Variants in PRMT8 observed in about 807,000 individuals in gnomAD.
The protein encoded by PRMT8 is protein arginine N-methyltransferase 8.
A neutral mutation model predicts 47.1 loss-of-function variants in PRMT8; 7 were observed. That is an observed-to-expected ratio of 0.15 (90% CI 0.08 to 0.28). The LOEUF (loss-of-function observed/expected upper bound fraction) is 0.28, where lower values mean the gene tolerates loss of function less well. Among genes scored for constraint, PRMT8 ranks in the 10% least tolerant of loss-of-function variants. PRMT8 has a pLI of 1.00. For synonymous variants in PRMT8, 188 were observed against 186.5 expected (o/e 1.01, Z -0.07); for missense variants, 237 against 505.4 (o/e 0.47, Z 5.09).
intron 1 of PRMT8, among the ~76,000 whole-genome samples, chr12:3,461,276 G>A (rs557312983): frequency 6.0e-4 from 91 of 152,186 alleles, no homozygotes; most frequent in African/African-American, 2.1e-3. Flanking sequence ...TTCCCACTTC[G>A]CAGCTATTCC....
At chr12:3,546,937 G>A (rs1210876529) in intron 2 of PRMT8, among the ~76,000 whole-genome samples, 1 of 151,954 alleles carries the variant, frequency 6.6e-6, no homozygotes, top group Non-Finnish European at 1.5e-5. Flanking sequence ...ATTTTAAAAG[G>A]GTAATACATC....
Position 3,491,454 on chromosome 12 carries a change from T to C in PRMT8, c.-172T>C. 7.1e-7 allele frequency: 1 copy of C among 1,400,714 alleles called. No homozygotes were observed. The highest frequency in any genetic ancestry group is 9.3e-7 in the Non-Finnish European group (1 of 1,078,942). 86.8% of individuals were successfully genotyped at this position (1,400,714 alleles called of 1,614,324 possible). On this transcript the variant is annotated 5_prime_UTR_variant, in exon 1 of 10. Coordinates refer to ENST00000382622, the MANE Select transcript of PRMT8 (RefSeq NM_019854.5). ...GAGAAGGGAGGAAAATAAAAGAAAGTGGAGACTGCAGAACAGACTCCGCTG... is the reference window on the plus strand; with the variant it reads ...GAGAAGGGAGGAAAATAAAAGAAAGCGGAGACTGCAGAACAGACTCCGCTG...
intron 3 of PRMT8, 98 bp from the exon 4 acceptor site, chr12:3,553,553 C>T (rs1866466358): frequency 4.7e-6 from 5 of 1,054,510 alleles, no homozygotes; most frequent in Middle Eastern, 2.0e-4. Context: ...CAAGTCACCA[C>T]CCCTGTCTGG....
At chr12:3,389,774 A>G (rs967192224) in intron 1 of PRMT8, among the ~76,000 whole-genome samples, 2 of 152,258 alleles carry the variant, frequency 1.3e-5, no homozygotes, top group Non-Finnish European at 2.9e-5. Flanking sequence ...TCCATTACTC[A>G]GAACACTCCT....
chr12:3,455,510 C>A (rs1864964833), intron 1 of PRMT8, among the ~76,000 whole-genome samples: 1 of 152,108 alleles, frequency 6.6e-6, no homozygotes. Flanking sequence ...TTTCCCCTTG[C>A]CACCCTGAAC....
chr12:3,475,256 G>A (rs1865199856), intron 1 of PRMT8, among the ~76,000 whole-genome samples: 1 of 152,148 alleles, frequency 6.6e-6, no homozygotes, highest in African/African-American at 2.4e-5. Context: ...GGACATTGTG[G>A]GCAGGAGGCA....
intron 1 of PRMT8, among the ~76,000 whole-genome samples, chr12:3,400,635 G>A (rs868644560): frequency 4.6e-5 from 7 of 152,238 alleles, no homozygotes; most frequent in South Asian, 2.1e-4. Flanking sequence ...TTGAAAAGGA[G>A]GGACTCCTCG....
At chr12:3,577,073 A>G in intron 7 of PRMT8, 87 bp downstream of exon 7, 1 of 1,124,602 alleles carries the variant, frequency 8.9e-7, no homozygotes. Context: ...GCTCCTGCAC[A>G]GCCCCCACCT....
intron 1 of PRMT8, among the ~76,000 whole-genome samples, chr12:3,466,505 C>A (rs1865098598): frequency 1.3e-5 from 2 of 152,076 alleles, no homozygotes; most frequent in African/African-American, 4.8e-5. Context: ...AATAATGAGT[C>A]AATGTTCTCT....
intron 1 of PRMT8, among the ~76,000 whole-genome samples, chr12:3,420,152 G>A (rs16930475): frequency 6.6e-6 from 1 of 152,042 alleles, no homozygotes; most frequent in African/African-American, 2.4e-5. Flanking sequence ...GCATTGGCAC[G>A]AGCCTCAGAG....
chr12:3,449,717 G>C (rs1304942226), intron 1 of PRMT8, among the ~76,000 whole-genome samples: 2 of 152,102 alleles, frequency 1.3e-5, no homozygotes, highest in African/African-American at 4.8e-5. Flanking sequence ...CTTTTGCTGT[G>C]CAGAAGCTCT....
chr12:3,431,863 G>A (rs1274657343), intron 1 of PRMT8, among the ~76,000 whole-genome samples: 1 of 152,196 alleles, frequency 6.6e-6, no homozygotes, highest in Non-Finnish European at 1.5e-5. Context: ...CAGGGAGCTG[G>A]CTGAGGCTTG....
At chr12:3,382,169 T>C (rs1317393496) in intron 1 of PRMT8, among the ~76,000 whole-genome samples, 2 of 152,198 alleles carry the variant, frequency 1.3e-5, no homozygotes, top group Non-Finnish European at 2.9e-5. Flanking sequence ...TTTTTGACTT[T>C]TAGGAATAAA....
rs553605050 is a variant in PRMT8, at chr12:3,558,201, C to T, written c.481+4487C>T. Among the ~76,000 whole-genome samples, 5 of 152,172 alleles carry T rather than the reference C, an allele frequency of 3.3e-5. No individual in the cohort carries two copies. The South Asian group carries it at 8.3e-4, about 25-fold the overall frequency. On this transcript the variant is annotated intron_variant, in intron 4 of 9. Coordinates refer to ENST00000382622, the MANE Select transcript of PRMT8 (RefSeq NM_019854.5). Reference sequence around the variant, plus strand: ...GGAACCACACAGCCCCCTCATCATCCTGCTCTGTCTCACACCATAGGGCTC... The same window carrying T: ...GGAACCACACAGCCCCCTCATCATCTTGCTCTGTCTCACACCATAGGGCTC...
chr12:3,568,775 G>A lies in PRMT8; in HGVS notation c.551G>A (p.Ser184Asn). The A allele has an allele frequency of 6.2e-7, 1 of 1,614,188 alleles. No homozygotes were observed. Reference protein sequence around the residue: ...LPVEKVDIIISEWMGYCLFYE... With the variant: ...LPVEKVDIIINEWMGYCLFYE... Reference sequence around the variant, plus strand: ...GTGGAGAAGGTGGACATCATCATCAGCGAGTGGATGGGCTACTGTCTGTTC... The same window carrying A: ...GTGGAGAAGGTGGACATCATCATCAACGAGTGGATGGGCTACTGTCTGTTC... Residue 184 changes from serine (S) to asparagine (N), a missense_variant, in exon 5 of 10, where the codon AGC becomes AAC. Around this residue, in one of 5 missense-constraint regions of PRMT8, gnomAD observed 151 missense variants for 341.1 expected, o/e 0.44. Coordinates refer to ENST00000382622, the MANE Select transcript of PRMT8 (RefSeq NM_019854.5).
At chr12:3,461,069 A>C (rs747172346) in intron 1 of PRMT8, among the ~76,000 whole-genome samples, 27 of 152,168 alleles carry the variant, frequency 1.8e-4, no homozygotes, top group Admixed American at 9.2e-4. Flanking sequence ...TTTCAGGCTC[A>C]TATAAACACC....
rs764559462 is a variant in PRMT8 at position 3,564,772 on chromosome 12, A to G, written c.482-3934A>G. 1.6e-4 allele frequency among the ~76,000 whole-genome samples: 25 copies of G among 152,360 alleles called. No homozygotes were observed. The highest frequency in any genetic ancestry group is 6.8e-3 in the Middle Eastern group (2 of 294). On this transcript the variant is annotated intron_variant, in intron 4 of 9. Transcript: ENST00000382622. The surrounding 1 kb of genome is among the most constrained non-coding windows in gnomAD (Gnocchi z 4.0). ...CAGCCTACGGCTGCTCGGAATCTTAATATCAATAGCTTAGACCCCCTTGAA... is the reference window on the plus strand; with the variant it reads ...CAGCCTACGGCTGCTCGGAATCTTAGTATCAATAGCTTAGACCCCCTTGAA...
At chr12:3,461,658 G>C (rs1865042718) in intron 1 of PRMT8, among the ~76,000 whole-genome samples, 1 of 152,168 alleles carries the variant, frequency 6.6e-6, no homozygotes, top group Admixed American at 6.5e-5. Context: ...CTATCTCAGA[G>C]CAGGAAGTCC....
In PRMT8 at chr12:3,572,752, A is replaced by C. The variant is rs1262966039; in HGVS notation, c.712+3188A>C. Among the ~76,000 whole-genome samples the C allele has an allele frequency of 6.6e-6, 1 of 152,044 alleles. No homozygotes were observed. Among genetic ancestry groups the C allele is most frequent in the Non-Finnish European group, 1.5e-5 (1 of 68,002 alleles). On this transcript the variant is annotated intron_variant, in intron 6 of 9. Transcript: ENST00000382622. This position sits in a 1 kb window ranked among gnomAD's most constrained non-coding sequence, Gnocchi z 5.9. ...AGTAGCATCTGGTGGCACTTGTTCT[A>C]TTTTTCTCTGACCTCATTCTGAGGC...
Sources: gnomAD v4.1 joint callset for allele counts (sites outside exome capture counted in the v4.1 genomes callset) on GRCh38, gnomAD v4.1.1 for gene constraint, gnomAD v4.1.1 regional missense constraint, Gnocchi (gnomAD v3.1) non-coding constraint, MANE v1.5 for transcripts, NCBI Gene and HGNC (gene_info 2026-07-23, HGNC 2026-07-21) for gene names.